EIF2AK4: variants seen among roughly 807,000 people sequenced by gnomAD.
EIF2AK4 encodes eukaryotic translation initiation factor 2 alpha kinase 4.
A neutral mutation model predicts 211.1 loss-of-function variants in EIF2AK4; 139 were observed. That is an observed-to-expected ratio of 0.66 (90% CI 0.57 to 0.76). The LOEUF (loss-of-function observed/expected upper bound fraction) is 0.76, where lower values mean the gene tolerates loss of function less well. Among genes scored for constraint, EIF2AK4 ranks in the 30% least tolerant of loss-of-function variants. The probability of loss-of-function intolerance (pLI) is 0.00; values close to 1 mark genes in which losing one functional copy is unlikely to be tolerated. For missense variants in EIF2AK4, 1,664 were observed against 2,043.8 expected, an observed-to-expected ratio of 0.81 and a Z score of 3.58; for synonymous variants, 710 against 751.3, an observed-to-expected ratio of 0.94 and a Z score of 0.90.
intron 23 of EIF2AK4, 100 bp downstream of exon 23, chr15:40,003,414 TG>T: frequency 6.6e-7 from 1 of 1,509,970 alleles, no homozygotes; most frequent in Non-Finnish European, 8.9e-7. Flanking sequence ...ATATTATAAA[TG>T]TCACCTTTGG....
chr15:40,034,433 A>G lies in EIF2AK4; in HGVS notation c.4881A>G (p.Lys1627=). Residue 1627 remains lysine (K), a synonymous_variant, in exon 38 of 39, where the codon AAA becomes AAG. Transcript: ENST00000263791. ...TCTGTGATGAAATTTATAACATCAAAGTAGAAAAAAAGTAAGTTATCACTT... is the reference window on the plus strand; with the variant it reads ...TCTGTGATGAAATTTATAACATCAAGGTAGAAAAAAAGTAAGTTATCACTT... ...KLVCDEIYNI[K]VEKKVSVLFL... is the part of the protein sequence containing the mutation. 1 of 1,613,802 alleles carries G rather than the reference A, an allele frequency of 6.2e-7. No homozygotes were observed. The highest frequency in any genetic ancestry group is 1.1e-5 in the South Asian group (1 of 91,026).
intron 2 of EIF2AK4, among the ~76,000 whole-genome samples, chr15:39,941,735 G>A (rs893679029): frequency 6.6e-6 from 1 of 152,046 alleles, no homozygotes; most frequent in Non-Finnish European, 1.5e-5. Context: ...GGGCATTGTG[G>A]GATATTTAGT....
chr15:40,001,523 G>A lies in EIF2AK4; in HGVS notation c.3159+299G>A, dbSNP rs138413644. Among the ~76,000 whole-genome samples the A allele has an allele frequency of 0.019, 2,845 of 151,850 alleles. 43 individuals are homozygous for A. Among genetic ancestry groups the A allele is most frequent in the Non-Finnish European group, 0.025 (1,680 of 67,916 alleles). Reference sequence around the variant, plus strand: ...CATGCACCTGTAATCCCAGCTACCCGGGAGGCTGAGGCAGGAGAATCGCTT... The same window carrying A: ...CATGCACCTGTAATCCCAGCTACCCAGGAGGCTGAGGCAGGAGAATCGCTT... On this transcript the variant is annotated intron_variant, in intron 21 of 38. Coordinates refer to ENST00000263791, the MANE Select transcript of EIF2AK4 (RefSeq NM_001013703.4).
intron 18 of EIF2AK4, 30 bp downstream of exon 18, chr15:39,992,878 CAAAATT>C: frequency 6.2e-7 from 1 of 1,603,562 alleles, no homozygotes. Flanking sequence ...AAAGGAATCT[CAAAATT>C]AAGGTAATAG....
chr15:39,997,098 C>T (rs1391894136), intron 19 of EIF2AK4, 33 bp downstream of exon 19: 2 of 1,424,080 alleles, frequency 1.4e-6, no homozygotes, highest in Admixed American at 3.4e-5. Context: ...CCTACATTTT[C>T]AGTAACCGGA....
At chr15:39,989,329 A>C (rs1365474804) in intron 15 of EIF2AK4, among the ~76,000 whole-genome samples, 1 of 152,200 alleles carries the variant, frequency 6.6e-6, no homozygotes, top group African/African-American at 2.4e-5. Context: ...TTAACCTTAA[A>C]ATGTTTGTAC....
At chr15:39,980,377 C>T (rs2034764690) in intron 13 of EIF2AK4, among the ~76,000 whole-genome samples, 1 of 152,188 alleles carries the variant, frequency 6.6e-6, no homozygotes, top group African/African-American at 2.4e-5. Context: ...AGTACATCAT[C>T]AGAATAAATA....
At chr15:39,968,873 G>T (rs1209664954) in intron 9 of EIF2AK4, among the ~76,000 whole-genome samples, 1 of 147,122 alleles carries the variant, frequency 6.8e-6, no homozygotes, top group Non-Finnish European at 1.5e-5. Context: ...AAGTGAATAT[G>T]ATATATATAT....
At chr15:40,015,558 G>A (rs989216702) in intron 27 of EIF2AK4, among the ~76,000 whole-genome samples, 1 of 152,166 alleles carries the variant, frequency 6.6e-6, no homozygotes, top group African/African-American at 2.4e-5. Flanking sequence ...TCCCTCCCAT[G>A]ACACATGGGA....
intron 32 of EIF2AK4, among the ~76,000 whole-genome samples, chr15:40,022,986 C>G (rs943211863): frequency 6.6e-6 from 1 of 152,148 alleles, no homozygotes; most frequent in Non-Finnish European, 1.5e-5. Context: ...CTCGGCCTCC[C>G]AAAGTGCTGG....
intron 15 of EIF2AK4, among the ~76,000 whole-genome samples, chr15:39,989,471 A>G (rs1566996088): frequency 6.6e-6 from 1 of 152,222 alleles, no homozygotes; most frequent in Non-Finnish European, 1.5e-5. Context: ...AAGCTGTATT[A>G]CTGTGATTTT....
rs74011722 is a variant in EIF2AK4, at chr15:39,958,982, G to A, written c.744-2802G>A. 6.8e-3 allele frequency among the ~76,000 whole-genome samples: 1,038 copies of A among 151,840 alleles called. 9 individuals are homozygous for A. The highest frequency in any genetic ancestry group is 0.023 in the African/African-American group (949 of 41,426). ...CTGCCTAATTTAGTCATCTAAAATT[G>A]TATTATGTTTCTCTGTTCTTTTTAA... is the stretch of plus-strand genomic sequence containing the variant. On this transcript the variant is annotated intron_variant, in intron 6 of 38. Transcript: ENST00000263791.
intron 37 of EIF2AK4, among the ~76,000 whole-genome samples, chr15:40,034,009 C>G (rs1213435719): frequency 7.6e-6 from 1 of 131,992 alleles, no homozygotes; most frequent in Non-Finnish European, 1.6e-5. Context: ...GCCTGGGCAA[C>G]AAGACCGAAA....
At chr15:40,020,715 G>A (rs1310591542) in intron 30 of EIF2AK4, 184 bp from the exon 31 acceptor site, 2 of 395,102 alleles carry the variant, frequency 5.1e-6, no homozygotes, top group East Asian at 8.0e-5. Flanking sequence ...AGTTGTTTGA[G>A]TGTGTCTTTT....
intron 17 of EIF2AK4, 38 bp from the exon 18 acceptor site, chr15:39,992,731 A>G: frequency 1.3e-6 from 2 of 1,572,274 alleles, no homozygotes; most frequent in Non-Finnish European, 1.8e-6. Context: ...TGTAAGTGCT[A>G]TTATTGGGAC....
intron 1 of EIF2AK4, among the ~76,000 whole-genome samples, chr15:39,934,930 A>G (rs1472417607): frequency 6.6e-6 from 1 of 152,186 alleles, no homozygotes; most frequent in Admixed American, 6.5e-5. Flanking sequence ...CATTCATCTT[A>G]GCTGTAGTAG....
intron 4 of EIF2AK4, among the ~76,000 whole-genome samples, chr15:39,952,674 G>GGTTAT (rs2034336073): frequency 6.6e-6 from 1 of 151,810 alleles, no homozygotes; most frequent in African/African-American, 2.4e-5. Context: ...TTTGTTCTTA[G>GGTTAT]GTTCTTATGC....
chr15:39,978,028 A>C (rs368250020), intron 12 of EIF2AK4, 50 bp from the exon 13 acceptor site: 2 of 1,347,738 alleles, frequency 1.5e-6, no homozygotes, highest in Non-Finnish European at 2.1e-6. Flanking sequence ...CATGTTTATA[A>C]TGATAATAGG....
intron 12 of EIF2AK4, 66 bp from the exon 13 acceptor site, chr15:39,978,012 A>G: frequency 8.6e-7 from 1 of 1,162,764 alleles, no homozygotes. Context: ...AGTATTTAAA[A>G]ATGTCCATGT....
Sources: gnomAD v4.1 joint callset for allele counts (sites outside exome capture counted in the v4.1 genomes callset) on GRCh38, gnomAD v4.1.1 for gene constraint, MANE v1.5 for transcripts, NCBI Gene and HGNC (gene_info 2026-07-23, HGNC 2026-07-21) for gene names.